The following NTM variants were observed in gnomAD, a reference collection of about 807,000 sequenced individuals.
The protein encoded by NTM is IgLON family member 2.
Under a neutral mutation model 42.1 loss-of-function variants are expected in NTM, and 13 were observed. The ratio of observed to expected loss-of-function variants is 0.31; its 90% CI spans 0.20 to 0.49. The LOEUF is 0.49. Among genes scored for constraint, NTM ranks in the 20% least tolerant of loss-of-function variants. The pLI is 0.99. For synonymous variants in NTM, 187 were observed against 179.2 expected (o/e 1.04, Z -0.35); for missense variants, 373 against 452.8 (o/e 0.82, Z 1.60).
intron 2 of NTM, among the ~76,000 whole-genome samples, chr11:131,970,258 G>A (rs564779602): frequency 2.6e-5 from 4 of 152,256 alleles, no homozygotes; most frequent in African/African-American, 9.6e-5. Flanking sequence ...TTTCTATGTT[G>A]ACCTGAACTC....
chr11:131,645,672 T>C (rs2739277), intron 1 of NTM, among the ~76,000 whole-genome samples: 126,190 of 152,174 alleles, frequency 0.83, 52,547 homozygotes, highest in East Asian at 0.91. Context: ...TACTTATTAG[T>C]ACATTGTATC....
intron 1 of NTM, among the ~76,000 whole-genome samples, chr11:131,659,027 T>G (rs1046924772): frequency 1.3e-5 from 2 of 152,118 alleles, no homozygotes; most frequent in African/African-American, 4.8e-5. Flanking sequence ...CCCTGTGCAA[T>G]AGAGGAAGAC....
At chr11:131,629,725 C>T (rs1010854285) in intron 1 of NTM, among the ~76,000 whole-genome samples, 2 of 152,162 alleles carry the variant, frequency 1.3e-5, no homozygotes, top group Non-Finnish European at 2.9e-5. Context: ...GACAGAACCT[C>T]ATTTGCTTTC....
At chr11:132,310,336 C>G in intron 6 of NTM, 104 bp downstream of exon 6, 1 of 1,193,382 alleles carries the variant, frequency 8.4e-7, no homozygotes, top group Non-Finnish European at 1.1e-6. Context: ...ATAAAATCCT[C>G]TTCTGAACTT....
intron 1 of NTM, among the ~76,000 whole-genome samples, chr11:131,685,522 G>A (rs1237078120): frequency 1.3e-5 from 2 of 152,214 alleles, no homozygotes; most frequent in Non-Finnish European, 2.9e-5. Flanking sequence ...TGTACGCCAA[G>A]CACATTCCTG....
chr11:131,654,332 C>T (rs949683267), intron 1 of NTM, among the ~76,000 whole-genome samples: 1 of 152,166 alleles, frequency 6.6e-6, no homozygotes, highest in African/African-American at 2.4e-5. Flanking sequence ...AAAGGCAGGG[C>T]CGGTGTCCTT....
At chr11:131,668,907 C>A in intron 1 of NTM, among the ~76,000 whole-genome samples, 1 of 152,108 alleles carries the variant, frequency 6.6e-6, no homozygotes, top group East Asian at 1.9e-4. Context: ...ACAACAATAA[C>A]AATAATAATA....
At chr11:131,895,690 ATG>A (rs541558157) in intron 1 of NTM, among the ~76,000 whole-genome samples, 228 of 151,890 alleles carry the variant, frequency 1.5e-3, no homozygotes, top group African/African-American at 4.3e-3. Flanking sequence ...ATACATATAT[ATG>A]TGTGTGTGTG....
intron 2 of NTM, among the ~76,000 whole-genome samples, chr11:132,059,877 C>G (rs2080354686): frequency 6.6e-6 from 1 of 152,134 alleles, no homozygotes; most frequent in Non-Finnish European, 1.5e-5. Flanking sequence ...AGCCACACAC[C>G]AAGCTACACA....
intron 3 of NTM, among the ~76,000 whole-genome samples, chr11:132,158,898 A>G (rs1566329663): frequency 6.6e-6 from 1 of 152,218 alleles, no homozygotes; most frequent in African/African-American, 2.4e-5. Flanking sequence ...GAGTCACTCC[A>G]GGTCACTGCC....
At chr11:131,864,101 A>G (rs1592354297) in intron 1 of NTM, among the ~76,000 whole-genome samples, 1 of 152,196 alleles carries the variant, frequency 6.6e-6, no homozygotes, top group East Asian at 1.9e-4. Context: ...GCAGGGAGTT[A>G]GATCAGTCAA....
At chr11:131,748,922 G>A (rs574451861) in intron 1 of NTM, among the ~76,000 whole-genome samples, 3 of 152,282 alleles carry the variant, frequency 2.0e-5, no homozygotes, top group African/African-American at 7.2e-5. Flanking sequence ...ACATCAGAGG[G>A]GCCCCGGCTC....
At chr11:131,703,094 C>T (rs1459128938) in intron 1 of NTM, among the ~76,000 whole-genome samples, 1 of 152,112 alleles carries the variant, frequency 6.6e-6, no homozygotes, top group Non-Finnish European at 1.5e-5. Flanking sequence ...AAAAGCAAAG[C>T]CATTAACATT....
intron 1 of NTM, among the ~76,000 whole-genome samples, chr11:131,475,638 A>C (rs1952852259): frequency 6.6e-6 from 1 of 152,292 alleles, no homozygotes; most frequent in Non-Finnish European, 1.5e-5. Context: ...TAAAATGAGG[A>C]AATATAAATA....
chr11:132,206,745 A>C (rs886566674), intron 3 of NTM, among the ~76,000 whole-genome samples: 2 of 152,054 alleles, frequency 1.3e-5, no homozygotes, highest in African/African-American at 4.8e-5. Flanking sequence ...AAACAGCTTC[A>C]CTTTTTCTGC....
intron 1 of NTM, among the ~76,000 whole-genome samples, chr11:131,526,873 AT>A (rs1236978413): frequency 7.9e-5 from 12 of 152,224 alleles, no homozygotes; most frequent in Admixed American, 2.6e-4. Context: ...GTGACAAAAA[AT>A]ATTTATACTT....
intron 1 of NTM, among the ~76,000 whole-genome samples, chr11:131,735,444 CATT>C (rs773485582): frequency 9.2e-5 from 14 of 152,154 alleles, no homozygotes; most frequent in Non-Finnish European, 1.9e-4. Context: ...AAGTGACAGT[CATT>C]GTGGTGTAGT....
At chr11:131,854,340 G>T (rs1427002618) in intron 1 of NTM, among the ~76,000 whole-genome samples, 4 of 152,206 alleles carry the variant, frequency 2.6e-5, no homozygotes, top group African/African-American at 9.6e-5. Flanking sequence ...ACACCAAATT[G>T]TTTTTAAAAA....
At chr11:131,812,183 C>CCTCT (rs145003478) in intron 1 of NTM, among the ~76,000 whole-genome samples, 5,355 of 142,708 alleles carry the variant, frequency 0.038, 117 homozygotes, top group Non-Finnish European at 0.046. Flanking sequence ...AATTAGTCAG[C>CCTCT]CTCTCTCTCT....
Sources: allele counts gnomAD v4.1 joint callset (sites outside exome capture counted in the v4.1 genomes callset), GRCh38; gene constraint gnomAD v4.1.1; transcripts MANE v1.5; gene names NCBI Gene and HGNC (gene_info 2026-07-23, HGNC 2026-07-21).